Variants in SH3BGR observed in about 807,000 individuals in gnomAD.
SH3BGR encodes SH3 domain-binding glutamic acid-rich protein.
SH3BGR carries 29 observed loss-of-function variants against 24.5 expected under a neutral mutation model. The observed-to-expected ratio is 1.18, with a 90% CI of 0.88 to 1.61. The LOEUF is 1.61. Among genes scored for constraint, SH3BGR ranks in the 40% most tolerant of loss-of-function variants. The probability of loss-of-function intolerance (pLI) is 0.00; values close to 1 mark genes in which losing one functional copy is unlikely to be tolerated. For synonymous variants in SH3BGR, 55 were observed against 65.7 expected (o/e 0.84, Z 0.79); for missense variants, 162 against 205.8 (o/e 0.79, Z 1.30).
At chr21:39,489,142 T>G (rs2078258191) in intron 3 of SH3BGR, among the ~76,000 whole-genome samples, 1 of 152,104 alleles carries the variant, frequency 6.6e-6, no homozygotes, top group African/African-American at 2.4e-5. Context: ...AGAGACCTGA[T>G]ATGTGCACGA....
At chr21:39,463,545 A>G (rs1344615285) in intron 2 of SH3BGR, among the ~76,000 whole-genome samples, 2 of 152,230 alleles carry the variant, frequency 1.3e-5, no homozygotes, top group Admixed American at 1.3e-4. Context: ...GGACTGCTGG[A>G]GCCAGGTGGA....
rs61692072 is a variant in SH3BGR, at chr21:39,510,909, CTATATATATA to C, written c.436-742_436-733del. On this transcript the variant is annotated intron_variant, in intron 5 of 6. Transcript: ENST00000333634. ...TTCTTTTTGTATTTGATTCTTCTAA[CTATATATATA>C]TATATATATATATATATATATATAT... Among the ~76,000 whole-genome samples, 357 of 65,866 alleles carry C rather than the reference CTATATATATA, an allele frequency of 5.4e-3. 8 individuals are homozygous for C. Among genetic ancestry groups the C allele is most frequent in the Admixed American group, 0.015 (74 of 5,022 alleles). The allele number at this position is 65,866 out of a possible 152,430, so 43.2% of individuals were successfully genotyped here.
At chr21:39,457,073 T>A (rs1028655086) in intron 1 of SH3BGR, among the ~76,000 whole-genome samples, 11 of 148,176 alleles carry the variant, frequency 7.4e-5, no homozygotes, top group Admixed American at 3.4e-4. Context: ...ATATAAAATT[T>A]AAAAAAATTA....
In SH3BGR at chr21:39,496,556, T is replaced by C. The variant is rs183202482; in HGVS notation, c.313-3267T>C. 3.8e-3 allele frequency among the ~76,000 whole-genome samples: 574 copies of C among 151,812 alleles called. 5 individuals carry two copies. The highest frequency in any genetic ancestry group is 0.013 in the African/African-American group (533 of 41,432). ...TATCTTTATTTGCATATGATATAAT[T>C]GCATGCCTAAAAATCTTTAAAATTC... On this transcript the variant is annotated intron_variant, in intron 3 of 6. Coordinates refer to ENST00000333634, the MANE Select transcript of SH3BGR (RefSeq NM_007341.3).
chr21:39,498,293 T>C (rs965828746), intron 3 of SH3BGR, among the ~76,000 whole-genome samples: 2 of 152,220 alleles, frequency 1.3e-5, no homozygotes, highest in Non-Finnish European at 2.9e-5. Context: ...GGTGTGTGTG[T>C]GTGGCTTAAT....
intron 2 of SH3BGR, among the ~76,000 whole-genome samples, chr21:39,469,546 C>A (rs2077901572): frequency 6.7e-6 from 1 of 150,284 alleles, no homozygotes; most frequent in Non-Finnish European, 1.5e-5. Flanking sequence ...ACCTTTTTTT[C>A]TTCTCTAATG....
intron 1 of SH3BGR, among the ~76,000 whole-genome samples, chr21:39,457,503 TTATTATA>T (rs1315555266): frequency 6.8e-6 from 1 of 146,168 alleles, no homozygotes; most frequent in Non-Finnish European, 1.5e-5. Flanking sequence ...ATATATATGA[TTATTATA>T]TATTATATAG....
chr21:39,455,425 G>A (rs895464012), intron 1 of SH3BGR, among the ~76,000 whole-genome samples: 1 of 152,208 alleles, frequency 6.6e-6, no homozygotes, highest in Non-Finnish European at 1.5e-5. Flanking sequence ...GGGCAAAGGG[G>A]GAGAGGTGAA....
At chr21:39,472,207 T>G (rs1042988393) in intron 2 of SH3BGR, among the ~76,000 whole-genome samples, 20 of 152,220 alleles carry the variant, frequency 1.3e-4, no homozygotes, top group African/African-American at 4.8e-4. Context: ...AATAGAAGTT[T>G]ATTTGGCTCA....
At chr21:39,458,303 G>T (rs1283897545) in intron 1 of SH3BGR, among the ~76,000 whole-genome samples, 5 of 151,946 alleles carry the variant, frequency 3.3e-5, no homozygotes, top group Admixed American at 2.6e-4. Context: ...TCATGTCAAA[G>T]AAAATTTTTA....
At chr21:39,499,276 A>ATCTATCTATCTATCTATCTG (rs2078451808) in intron 3 of SH3BGR, among the ~76,000 whole-genome samples, 2 of 151,588 alleles carry the variant, frequency 1.3e-5, no homozygotes, top group South Asian at 4.1e-4. Context: ...CTGTCTATCT[A>ATCTATCTATCTATCTATCTG]TCTATGTCTG....
chr21:39,508,934 C>A, intron 4 of SH3BGR, 64 bp from the exon 5 acceptor site: 1 of 1,291,150 alleles, frequency 7.7e-7, no homozygotes, highest in Non-Finnish European at 1.1e-6. Flanking sequence ...GCTTGATTTT[C>A]AGATTTGACT....
In SH3BGR at chr21:39,462,390, C is replaced by A. The variant is rs780505219; in HGVS notation, c.61C>A (p.Gln21Lys). The A allele has an allele frequency of 1.4e-5, 23 of 1,605,888 alleles. No homozygotes were observed. Among genetic ancestry groups the A allele is most frequent in the Middle Eastern group, 1.7e-4 (1 of 6,054 alleles). The change falls in exon 2 of 7, where the codon CAA (glutamine) becomes AAA (lysine). Residue 21 changes from glutamine (Q) to lysine (K), a missense_variant. Gln to Lys is a moderately conservative substitution (Grantham distance 53). Transcript: ENST00000333634. ...SGSIAIRKKQQEVVGFLEANK... is the reference protein window; with the variant it reads ...SGSIAIRKKQKEVVGFLEANK... ...TCTTGACCAGATTAGGAAGAAACAG[C>A]AAGAAGTAGTGGGTTTTTTGGAAGC...
chr21:39,499,226 T>C (rs946795930), intron 3 of SH3BGR, among the ~76,000 whole-genome samples: 2 of 110,594 alleles, frequency 1.8e-5, no homozygotes, highest in Non-Finnish European at 2.2e-5. Flanking sequence ...AGCCTAACCA[T>C]ATTATCATCC....
chr21:39,480,698 A>G (rs1182474523), intron 3 of SH3BGR, among the ~76,000 whole-genome samples: 1 of 152,176 alleles, frequency 6.6e-6, no homozygotes, highest in Non-Finnish European at 1.5e-5. Flanking sequence ...ATACTTCTAC[A>G]GTTGCTGCTT....
At chr21:39,507,566 C>T (rs2078604753) in intron 4 of SH3BGR, among the ~76,000 whole-genome samples, 1 of 152,202 alleles carries the variant, frequency 6.6e-6, no homozygotes, top group Non-Finnish European at 1.5e-5. Context: ...CTCCTGATCT[C>T]AGGTGATCTG....
upstream of SH3BGR, chr21:39,445,900 TG>T (rs1487981192): frequency 6.6e-6 from 1 of 152,236 alleles, no homozygotes; most frequent in African/African-American, 2.4e-5. Context: ...GAGGTCAGTG[TG>T]GCCTCGCGTT....
chr21:39,453,919 ATTAG>A (rs1428700256), intron 1 of SH3BGR, among the ~76,000 whole-genome samples: 1 of 152,262 alleles, frequency 6.6e-6, no homozygotes, highest in African/African-American at 2.4e-5. Flanking sequence ...ACTAGCTGCT[ATTAG>A]TTAATATTAG....
At chr21:39,507,828 C>G (rs1471546920) in intron 4 of SH3BGR, among the ~76,000 whole-genome samples, 1 of 151,442 alleles carries the variant, frequency 6.6e-6, no homozygotes, top group Admixed American at 6.6e-5. Context: ...GCTATGTTGC[C>G]CAGGCTGGTC....
Sources: allele counts gnomAD v4.1 joint callset (sites outside exome capture counted in the v4.1 genomes callset), GRCh38; gene constraint gnomAD v4.1.1; transcripts MANE v1.5; gene names NCBI Gene and HGNC (gene_info 2026-07-23, HGNC 2026-07-21).